SHOC1: variants seen among roughly 807,000 people sequenced by gnomAD.
The protein encoded by SHOC1 is protein shortage in chiasmata 1 ortholog.
SHOC1 carries 136 observed loss-of-function variants against 179.2 expected under a neutral mutation model. The ratio of observed to expected loss-of-function variants is 0.76; its 90% CI spans 0.66 to 0.87. The LOEUF (loss-of-function observed/expected upper bound fraction) is 0.87, where lower values mean the gene tolerates loss of function less well. Among genes scored for constraint, SHOC1 ranks in the 40% least tolerant of loss-of-function variants. The pLI is 0.00. For missense variants in SHOC1, 1,538 were observed against 1,700.8 expected (o/e 0.90, Z 1.68); for synonymous variants, 489 against 586.6 (o/e 0.83, Z 2.41).
At position 111,686,845 on chromosome 9, in the gene SHOC1, T is replaced by C. The variant is rs763441185; in HGVS notation, c.4452A>G (p.Gln1484=). 8.7e-6 allele frequency: 14 copies of C among 1,613,214 alleles called. No homozygotes were observed. In the South Asian group the frequency reaches 1.5e-4, roughly 18 times the overall value. The change falls in exon 28 of 28, where the codon CAA becomes CAG. Residue 1484 remains glutamine, a synonymous_variant. Transcript: ENST00000682961. ...LTGFMCSQLP[Q]FKKRRLAYEK... is the part of the protein sequence containing the mutation. ...CATATGCTAGACGTCGTTTTTTGAA[T>C]TGTGGTAGTTGTGAGCACATAAAAC... is the stretch of plus-strand genomic sequence containing the variant.
chr9:111,696,932 T>C (rs1831723599), intron 24 of SHOC1, among the ~76,000 whole-genome samples: 1 of 152,242 alleles, frequency 6.6e-6, no homozygotes, highest in Non-Finnish European at 1.5e-5. Context: ...TTCAAACAGA[T>C]CATTTGTTGA....
chr9:111,749,856 A>G lies in SHOC1; in HGVS notation c.863-1657T>C, dbSNP rs188839002. Among the ~76,000 whole-genome samples, 3 of 152,216 alleles carry G rather than the reference A, an allele frequency of 2.0e-5. No individual in the cohort carries two copies. The East Asian group carries it at 5.8e-4, about 29-fold the overall frequency. The stretch of plus-strand genomic sequence containing the variant: ...ATGTACCTGCAAAGGACATAATCTC[A>G]TTCCTTTTTATGGCTGTATAGTATT... On this transcript the variant is annotated intron_variant, in intron 8 of 27. Coordinates refer to ENST00000682961, the MANE Select transcript of SHOC1 (RefSeq NM_001378211.1).
intron 5 of SHOC1, among the ~76,000 whole-genome samples, chr9:111,775,350 C>T (rs1835789133): frequency 6.6e-6 from 1 of 152,104 alleles, no homozygotes; most frequent in South Asian, 2.1e-4. Context: ...TATTTCCTAA[C>T]TTAATACTGG....
chr9:111,693,895 G>A lies in SHOC1; in HGVS notation c.3369C>T (p.Leu1123=), dbSNP rs1327073459. The A allele has an allele frequency of 6.2e-7, 1 of 1,611,998 alleles. No individual in the cohort carries two copies. Among genetic ancestry groups the A allele is most frequent in the East Asian group, 2.2e-5 (1 of 44,794 alleles). Residue 1123 remains leucine (L), a synonymous_variant, in exon 26 of 28, where the codon CTC becomes CTT. Coordinates refer to ENST00000682961, the MANE Select transcript of SHOC1 (RefSeq NM_001378211.1). ...FPCINPLVAQ[L]MLNKGPSLHW... is the part of the protein sequence containing the mutation. ...GCAGTGAAGGTCCTTTATTTAGCAT[G>A]AGCTGAGCCACCAATGGGTTAATAC...
At chr9:111,761,895 C>G (rs961456566) in intron 5 of SHOC1, among the ~76,000 whole-genome samples, 1 of 152,078 alleles carries the variant, frequency 6.6e-6, no homozygotes, top group African/African-American at 2.4e-5. Flanking sequence ...ACCACAACAT[C>G]AGCAGTAATA....
chr9:111,716,690 C>T (rs1832809400), intron 16 of SHOC1, among the ~76,000 whole-genome samples: 1 of 152,078 alleles, frequency 6.6e-6, no homozygotes, highest in African/African-American at 2.4e-5. Context: ...GGCACCCAGC[C>T]CATGAATATT....
intron 10 of SHOC1, 137 bp from the exon 11 acceptor site, chr9:111,741,707 C>G: frequency 5.1e-6 from 2 of 394,626 alleles, no homozygotes; most frequent in East Asian, 9.0e-5. Context: ...TATCTTGGCT[C>G]ACTGCAACCT....
rs1831176843 is a variant in SHOC1, at chr9:111,686,716, G to A, written c.*54C>T. On this transcript the variant is annotated 3_prime_UTR_variant, in exon 28 of 28. Coordinates refer to ENST00000682961, the MANE Select transcript of SHOC1 (RefSeq NM_001378211.1). ...AGCAAATCTAAATAATTGCGCTAGT[G>A]GATTAGCATCAAAAACAGTGGAATA... 2.7e-6 allele frequency: 3 copies of A among 1,115,104 alleles called. No homozygotes were observed. The Admixed American group carries it at 5.3e-5, about 20-fold the overall frequency. The allele number at this position is 1,115,104 out of a possible 1,614,324, so 69.1% of individuals were successfully genotyped here. A position where few individuals can be genotyped will look rare whatever the true frequency, so the allele number is the denominator to read the frequency against.
chr9:111,738,324 G>A lies in SHOC1; in HGVS notation c.1373C>T (p.Thr458Ile). The change falls in exon 12 of 28, where the codon ACT (threonine) becomes ATT (isoleucine). Residue 458 changes from threonine to isoleucine, a missense_variant. Physicochemically the swap from Thr to Ile is moderately conservative, Grantham distance 89. Transcript: ENST00000682961. ...CGTAGGCAAAAATATCTCAATTTTA[G>A]TGTCATTAGAAGACAAATTATCATG... ...LCHDNLSSND[T>I]KIEIFLPTKV... 6.2e-7 allele frequency: 1 copy of A among 1,611,184 alleles called. No individual in the cohort carries two copies.
chr9:111,790,907 T>C (rs1282530168), intron 2 of SHOC1, among the ~76,000 whole-genome samples: 1 of 152,190 alleles, frequency 6.6e-6, no homozygotes, highest in Non-Finnish European at 1.5e-5. Flanking sequence ...TAAAAGTAAT[T>C]AGACTAATAA....
chr9:111,751,886 TA>T (rs1834605570), intron 8 of SHOC1, among the ~76,000 whole-genome samples: 1 of 152,116 alleles, frequency 6.6e-6, no homozygotes, highest in South Asian at 2.1e-4. Flanking sequence ...TCCTAGGAGA[TA>T]AAAAGAAAAT....
At chr9:111,779,025 G>A (rs1247036711) in intron 4 of SHOC1, among the ~76,000 whole-genome samples, 1 of 151,164 alleles carries the variant, frequency 6.6e-6, no homozygotes, top group African/African-American at 2.4e-5. Flanking sequence ...CTTGAACCCA[G>A]GAGGCGGAGG....
chr9:111,788,105 C>T (rs1250614038), intron 2 of SHOC1, among the ~76,000 whole-genome samples: 4 of 125,288 alleles, frequency 3.2e-5, no homozygotes, highest in East Asian at 2.5e-4. Context: ...TCGCTCTTGT[C>T]GCCCAGGCTG....
At chr9:111,713,011 T>C in intron 18 of SHOC1, 89 bp downstream of exon 18, 2 of 799,054 alleles carry the variant, frequency 2.5e-6, no homozygotes, top group Non-Finnish European at 4.1e-6. Context: ...ATGTTAATTA[T>C]GTCTTAATTT....
intron 23 of SHOC1, among the ~76,000 whole-genome samples, chr9:111,700,473 C>A (rs953959861): frequency 5.3e-5 from 8 of 152,178 alleles, no homozygotes; most frequent in African/African-American, 1.7e-4. Flanking sequence ...GCATCTTTTT[C>A]TTTTCCTTCT....
Position 111,746,290 on chromosome 9 carries a change from T to C in SHOC1, c.1023A>G (p.Ser341=). 2 of 1,612,574 alleles carry C rather than the reference T, an allele frequency of 1.2e-6. No individual in the cohort carries two copies. The highest frequency in any genetic ancestry group is 1.7e-6 in the Non-Finnish European group (2 of 1,178,776). ...GAAGTTCTGTACGTAATGAATTCACTGAAGAATGTTGGCATGTTAGGAATA... is the reference window on the plus strand; with the variant it reads ...GAAGTTCTGTACGTAATGAATTCACCGAAGAATGTTGGCATGTTAGGAATA... ...TPLFLTCQHS[S]VNSLRTELQT... Residue 341 remains serine (S), a synonymous_variant, in exon 10 of 28, where the codon TCA becomes TCG. Transcript: ENST00000682961.
At chr9:111,706,954 C>T (rs1367445747) in intron 19 of SHOC1, among the ~76,000 whole-genome samples, 3 of 151,982 alleles carry the variant, frequency 2.0e-5, no homozygotes. Context: ...CATTTTTATA[C>T]CAGGATATAA....
At chr9:111,770,007 TTA>T (rs1835533736) in intron 5 of SHOC1, among the ~76,000 whole-genome samples, 36 of 132,832 alleles carry the variant, frequency 2.7e-4, no homozygotes, top group African/African-American at 9.4e-4. Context: ...TTTTTTTTTT[TTA>T]GTCTTAGTTT....
intron 5 of SHOC1, among the ~76,000 whole-genome samples, chr9:111,775,495 A>G (rs1486417631): frequency 6.6e-6 from 1 of 152,200 alleles, no homozygotes; most frequent in Non-Finnish European, 1.5e-5. Context: ...GGATTGCTAT[A>G]TCATGGGATC....
Sources: gnomAD v4.1 joint callset for allele counts (sites outside exome capture counted in the v4.1 genomes callset) on GRCh38, gnomAD v4.1.1 for gene constraint, MANE v1.5 for transcripts, NCBI Gene and HGNC (gene_info 2026-07-23, HGNC 2026-07-21) for gene names.